Variants in PEAK1 observed in about 807,000 individuals in gnomAD.
The protein encoded by PEAK1 is inactive tyrosine-protein kinase PEAK1.
Under a neutral mutation model 124.7 loss-of-function variants are expected in PEAK1, and 54 were observed. That is an observed-to-expected ratio of 0.43 (90% CI 0.35 to 0.54). PEAK1 has a LOEUF of 0.54. Ranked by LOEUF, PEAK1 falls within the 20% of genes least tolerant of loss-of-function variation. The pLI is 0.01. For missense variants in PEAK1, 2,046 were observed against 2,134.5 expected, an observed-to-expected ratio of 0.96 and a Z score of 0.82; for synonymous variants, 719 against 760.0, an observed-to-expected ratio of 0.95 and a Z score of 0.89.
At position 77,133,645 on chromosome 15, in the gene PEAK1, T is replaced by C. The variant is rs779625763; in HGVS notation, c.3437A>G (p.Asn1146Ser). ...TGGGGGTGGTGTAGGTTGGGAAGCA[T>C]TGGGTGCTTCTTGGTCTGTTTTCCC... ...FGGKTDQEAP[N>S]ASQPTPPPLP... Residue 1146 changes from asparagine (N) to serine (S), a missense_variant, in exon 9 of 10, where the codon AAT (asparagine) becomes AGT (serine). Transcript: ENST00000682557. The surrounding 1 kb of genome is among the most constrained non-coding windows in gnomAD (Gnocchi z 4.2). 15 of 1,613,934 alleles carry C rather than the reference T, an allele frequency of 9.3e-6. No individual in the cohort carries two copies. The highest frequency in any genetic ancestry group is 6.7e-5 in the Admixed American group (4 of 59,994).
In PEAK1 at chr15:77,127,037, G is replaced by A. The variant is rs868510921; in HGVS notation, c.4077+5968C>T. Among the ~76,000 whole-genome samples the A allele has an allele frequency of 5.3e-5, 8 of 152,166 alleles. No individual in the cohort carries two copies. In the South Asian group the frequency reaches 1.4e-3, roughly 28 times the overall value. ...ATTTTGGAGACAGGGCTAACAAGGA[G>A]GTAATTAATTAAAAGAGATCATAAG... is the stretch of plus-strand genomic sequence containing the variant. On this transcript the variant is annotated intron_variant, in intron 9 of 9. Transcript: ENST00000682557.
intron 6 of PEAK1, among the ~76,000 whole-genome samples, chr15:77,230,809 G>C (rs2059879486): frequency 6.6e-6 from 1 of 152,004 alleles, no homozygotes; most frequent in Non-Finnish European, 1.5e-5. Context: ...CTCCAGCCTA[G>C]GAGACAGAGT....
At chr15:77,338,648 T>A (rs200899060) in intron 2 of PEAK1, among the ~76,000 whole-genome samples, 1,206 of 119,362 alleles carry the variant, frequency 0.01, 12 homozygotes, top group Middle Eastern at 0.035. Context: ...AAAAAAAATA[T>A]ATATATATAT....
At chr15:77,240,945 TTA>T (rs1168356616) in intron 6 of PEAK1, among the ~76,000 whole-genome samples, 1 of 152,216 alleles carries the variant, frequency 6.6e-6, no homozygotes, top group African/African-American at 2.4e-5. Context: ...CCCATTCATT[TTA>T]TGAGATCTGC....
At chr15:77,356,143 G>C (rs1157120157) in intron 2 of PEAK1, among the ~76,000 whole-genome samples, 3 of 152,182 alleles carry the variant, frequency 2.0e-5, no homozygotes, top group Admixed American at 6.5e-5. Flanking sequence ...GAAGTCTGAA[G>C]GAACTTAAGG....
intron 2 of PEAK1, among the ~76,000 whole-genome samples, chr15:77,340,842 T>C (rs1040866801): frequency 6.6e-6 from 1 of 152,140 alleles, no homozygotes; most frequent in Non-Finnish European, 1.5e-5. Flanking sequence ...CCAGACCACC[T>C]GCACTCTGAC....
intron 6 of PEAK1, among the ~76,000 whole-genome samples, chr15:77,208,354 G>A (rs932375221): frequency 1.3e-5 from 2 of 152,116 alleles, no homozygotes; most frequent in African/African-American, 4.8e-5. Context: ...CAATCATGCT[G>A]TTTCTATAAT....
chr15:77,239,770 CA>C, intron 6 of PEAK1: 1 of 853,390 alleles, frequency 1.2e-6, no homozygotes, highest in Non-Finnish European at 1.4e-6. Context: ...ATTCCTGTCA[CA>C]TATTACATAC....
exon 7 of PEAK1, chr15:77,101,467 G>C (rs2050693209): frequency 6.6e-6 from 1 of 152,174 alleles, no homozygotes; most frequent in Non-Finnish European, 1.5e-5. Context: ...TTGCCTTTTT[G>C]ATCAACAATA....
chr15:77,205,267 C>A (rs1207977354), intron 6 of PEAK1, among the ~76,000 whole-genome samples: 1 of 142,720 alleles, frequency 7.0e-6, no homozygotes, highest in South Asian at 2.2e-4. Context: ...AGATCAAATG[C>A]CTTTTTTTAA....
intron 7 of PEAK1, among the ~76,000 whole-genome samples, chr15:77,168,227 A>ATG (rs1420829610): frequency 3.8e-5 from 4 of 105,438 alleles, no homozygotes; most frequent in East Asian, 2.8e-4. Context: ...GCACATATGC[A>ATG]TGTGCGCGCG....
chr15:77,348,702 C>T (rs979435061), intron 2 of PEAK1: 33 of 984,666 alleles, frequency 3.4e-5, no homozygotes, highest in Admixed American at 1.2e-4. Context: ...ATCTGACTCA[C>T]GGGAAAACCC....
chr15:77,386,923 C>A (rs2069997817), intron 1 of PEAK1, among the ~76,000 whole-genome samples: 1 of 151,992 alleles, frequency 6.6e-6, no homozygotes, highest in South Asian at 2.1e-4. Flanking sequence ...GATCCTCTCA[C>A]CAAAGATCTT....
intron 2 of PEAK1, among the ~76,000 whole-genome samples, chr15:77,313,902 A>G (rs1043275641): frequency 3.3e-5 from 5 of 151,634 alleles, no homozygotes; most frequent in Non-Finnish European, 5.9e-5. Flanking sequence ...TTTAAAGAGT[A>G]GTATATGGAA....
intron 1 of PEAK1, among the ~76,000 whole-genome samples, chr15:77,386,433 C>T (rs182447136): frequency 4.1e-4 from 63 of 152,206 alleles, no homozygotes; most frequent in African/African-American, 1.5e-3. Context: ...GTTGGTAGCA[C>T]AAAGCTATTA....
intron 1 of PEAK1, among the ~76,000 whole-genome samples, chr15:77,399,889 G>A (rs565319384): frequency 2.6e-5 from 4 of 152,220 alleles, no homozygotes; most frequent in African/African-American, 4.8e-5. Context: ...CCCACAGAAT[G>A]GGAGAAAATA....
intron 2 of PEAK1, among the ~76,000 whole-genome samples, chr15:77,293,606 C>T (rs1253619999): frequency 6.6e-6 from 1 of 152,174 alleles, no homozygotes; most frequent in Non-Finnish European, 1.5e-5. Context: ...CATGTGCTTC[C>T]ACAGTATTTT....
chr15:77,306,386 T>C (rs2064104404), intron 2 of PEAK1, among the ~76,000 whole-genome samples: 1 of 152,168 alleles, frequency 6.6e-6, no homozygotes, highest in African/African-American at 2.4e-5. Flanking sequence ...GCATTGTTTT[T>C]CAGAAATTAT....
intron 2 of PEAK1, chr15:77,335,150 T>C (rs2066119042): frequency 1.0e-6 from 1 of 985,470 alleles, no homozygotes; most frequent in South Asian, 4.7e-5. Context: ...ATTTAAACAC[T>C]GTGCTTTGTA....
Sources: allele counts gnomAD v4.1 joint callset (sites outside exome capture counted in the v4.1 genomes callset), GRCh38; gene constraint gnomAD v4.1.1; non-coding constraint Gnocchi (gnomAD v3.1); transcripts MANE v1.5; gene names NCBI Gene and HGNC (gene_info 2026-07-23, HGNC 2026-07-21).